Variants in FGF20 observed in about 807,000 individuals in gnomAD.
The protein encoded by FGF20 is fibroblast growth factor 20.
A neutral mutation model predicts 16.7 loss-of-function variants in FGF20; 8 were observed. The ratio of observed to expected loss-of-function variants is 0.48; its 90% confidence interval spans 0.28 to 0.87. The LOEUF (loss-of-function observed/expected upper bound fraction) is 0.87, where lower values mean the gene tolerates loss of function less well. Among genes scored for constraint, FGF20 ranks in the 40% least tolerant of loss-of-function variants. The pLI is 0.10. For synonymous variants in FGF20, 161 were observed against 118.6 expected (o/e 1.36, Z -2.32); for missense variants, 397 against 281.4 (o/e 1.41, Z -2.94).
chr8:16,997,677 C>T (rs1051232564), intron 1 of FGF20, among the ~76,000 whole-genome samples: 3 of 152,094 alleles, frequency 2.0e-5, no homozygotes, highest in Non-Finnish European at 4.4e-5. Context: ...CATTGAAAGC[C>T]TAAGGCAGAG....
intron 1 of FGF20, among the ~76,000 whole-genome samples, chr8:16,997,439 C>T (rs954495125): frequency 6.6e-6 from 1 of 152,222 alleles, no homozygotes; most frequent in South Asian, 2.1e-4. Flanking sequence ...ACACGTGATA[C>T]TCCCAAGGCC....
In FGF20 at chr8:16,993,330, A is replaced by T. The variant is rs563906062; in HGVS notation, c.391-13T>A. ...AAGTAAGTTTCTCCTGAAAGAGAGA[A>T]GATAACTATTATTTTTTAAAAAAAT... On this transcript the variant is annotated splice_polypyrimidine_tract_variant and intron_variant, in intron 2 of 2. Coordinates refer to ENST00000180166, the MANE Select transcript of FGF20 (RefSeq NM_019851.3). 1.9e-6 allele frequency: 3 copies of T among 1,583,058 alleles called. No homozygotes were observed. Among genetic ancestry groups the T allele is most frequent in the East Asian group, 2.2e-5 (1 of 44,464 alleles).
intron 2 of FGF20, among the ~76,000 whole-genome samples, chr8:16,995,048 A>G (rs1810011911): frequency 6.6e-6 from 1 of 152,222 alleles, no homozygotes; most frequent in African/African-American, 2.4e-5. Flanking sequence ...GCATATTTAA[A>G]CATTTATAGT....
In FGF20 at chr8:16,992,924, T is replaced by C. The variant is rs142106513; in HGVS notation, c.*148A>G. 656 of 1,077,858 alleles carry C rather than the reference T, an allele frequency of 6.1e-4. 1 individual carries two copies. In the African/African-American group the frequency reaches 7.2e-3, roughly 12 times the overall value. The allele number at this position is 1,077,858 out of a possible 1,614,324, so 66.8% of individuals were successfully genotyped here. ...CTAGTCAAAATTTTTTTTGGTTTTTTTTCTCAATATTCTTTCCAAATCCAG... is the reference window on the plus strand; with the variant it reads ...CTAGTCAAAATTTTTTTTGGTTTTTCTTCTCAATATTCTTTCCAAATCCAG... On this transcript the variant is annotated 3_prime_UTR_variant, in exon 3 of 3. Coordinates refer to ENST00000180166, the MANE Select transcript of FGF20 (RefSeq NM_019851.3).
At chr8:16,995,198 C>A (rs1176602412) in intron 2 of FGF20, among the ~76,000 whole-genome samples, 2 of 152,196 alleles carry the variant, frequency 1.3e-5, no homozygotes, top group South Asian at 4.1e-4. Context: ...CTGTTACTTG[C>A]AGTATCCCAC....
chr8:16,999,838 C>T (rs779741880), intron 1 of FGF20, among the ~76,000 whole-genome samples: 24 of 151,746 alleles, frequency 1.6e-4, no homozygotes, highest in Non-Finnish European at 3.2e-4. Flanking sequence ...TGCGCCCAGC[C>T]CCAAGTTTCT....
chr8:16,994,431 G>T (rs1452490989), intron 2 of FGF20, among the ~76,000 whole-genome samples: 3 of 151,894 alleles, frequency 2.0e-5, no homozygotes, highest in Non-Finnish European at 4.4e-5. Flanking sequence ...ATAAACCACA[G>T]TTGCTTTTTT....
intron 1 of FGF20, among the ~76,000 whole-genome samples, chr8:16,999,518 C>CTTTTTTT (rs370808443): frequency 3.5e-5 from 3 of 85,846 alleles, no homozygotes; most frequent in Non-Finnish European, 4.2e-5. Context: ...TACAAGTTTC[C>CTTTTTTT]TTTTTTTTTT....
chr8:17,001,277 C>T (rs1810174150), intron 1 of FGF20, among the ~76,000 whole-genome samples: 2 of 152,104 alleles, frequency 1.3e-5, no homozygotes, highest in Non-Finnish European at 2.9e-5. Context: ...TTAAAGAAGC[C>T]CGGCGCTTCC....
intron 1 of FGF20, among the ~76,000 whole-genome samples, chr8:16,996,322 A>G (rs11203821): frequency 0.94 from 142,815 of 152,250 alleles, 67,027 homozygotes; most frequent in East Asian, 1. Flanking sequence ...ATAATGTGAA[A>G]GGTGTGAAAC....
At chr8:16,999,613 C>T (rs1373136861) in intron 1 of FGF20, among the ~76,000 whole-genome samples, 1 of 148,956 alleles carries the variant, frequency 6.7e-6, no homozygotes, top group African/African-American at 2.5e-5. Context: ...ACCTGCGCCT[C>T]CCGGGTTCAA....
chr8:16,994,902 A>G (rs558554945), intron 2 of FGF20, among the ~76,000 whole-genome samples: 1 of 152,310 alleles, frequency 6.6e-6, no homozygotes, highest in African/African-American at 2.4e-5. Context: ...AAAGAGAAAA[A>G]TCCATGTTGT....
At chr8:17,001,117 C>T (rs1810170227) in intron 1 of FGF20, among the ~76,000 whole-genome samples, 1 of 128,710 alleles carries the variant, frequency 7.8e-6, no homozygotes. Context: ...GACAGGTGAG[C>T]CCTACAGGTA....
chr8:16,993,443 G>T, intron 2 of FGF20, 126 bp from the exon 3 acceptor site: 2 of 1,014,806 alleles, frequency 2.0e-6, no homozygotes, highest in Non-Finnish European at 2.8e-6. Context: ...AATTGGTTTT[G>T]CTTTATTTTG....
intron 1 of FGF20, among the ~76,000 whole-genome samples, chr8:17,001,224 G>C (rs958688615): frequency 2.6e-5 from 4 of 152,174 alleles, no homozygotes; most frequent in African/African-American, 4.8e-5. Flanking sequence ...CATGCCCAGA[G>C]CAGCCCCGGG....
intron 1 of FGF20, among the ~76,000 whole-genome samples, chr8:16,998,018 T>C (rs971793282): frequency 6.6e-6 from 1 of 152,192 alleles, no homozygotes; most frequent in African/African-American, 2.4e-5. Context: ...ACTGATTAAG[T>C]GATTAGAATG....
chr8:16,993,114 T>C lies in FGF20; in HGVS notation c.594A>G (p.Glu198=), dbSNP rs1809953472. The C allele has an allele frequency of 6.2e-7, 1 of 1,614,104 alleles. No homozygotes were observed. Among genetic ancestry groups the C allele is most frequent in the Non-Finnish European group, 8.5e-7 (1 of 1,179,982 alleles). The part of the protein sequence containing the change: ...THFLPRPVDP[E]RVPELYKDLL... ...GGTCCTTGTACAATTCTGGAACTCT[T>C]TCTGGATCCACTGGTCTAGGTAAGA... is the stretch of plus-strand genomic sequence containing the variant. The change falls in exon 3 of 3, where the codon GAA becomes GAG. Residue 198 remains glutamate (E), a synonymous_variant. Transcript: ENST00000180166.
intron 2 of FGF20, 151 bp from the exon 3 acceptor site, chr8:16,993,468 T>C (rs1054525293): frequency 2.6e-6 from 2 of 773,642 alleles, no homozygotes; most frequent in African/African-American, 3.5e-5. Context: ...AGTTCATATG[T>C]CATCTCTGAT....
At chr8:16,993,402 T>C in intron 2 of FGF20, 85 bp from the exon 3 acceptor site, 1 of 1,333,718 alleles carries the variant, frequency 7.5e-7, no homozygotes, top group East Asian at 2.3e-5. Context: ...TATTTTCATT[T>C]CTTTGCCTTG....
Sources: allele counts gnomAD v4.1 joint callset (sites outside exome capture counted in the v4.1 genomes callset), GRCh38; gene constraint gnomAD v4.1.1; transcripts MANE v1.5; gene names NCBI Gene and HGNC (gene_info 2026-07-23, HGNC 2026-07-21).